The following ATP6V1H variants were observed in gnomAD, a reference collection of about 807,000 sequenced individuals.
ATP6V1H encodes the protein ATPase H+ transporting V1 subunit H, also known as V-type proton ATPase subunit H.
ATP6V1H carries 39 observed loss-of-function variants against 71.7 expected under a neutral mutation model. That is an observed-to-expected ratio of 0.54 (90% CI 0.42 to 0.71). The LOEUF (loss-of-function observed/expected upper bound fraction) is 0.71. Among genes scored for constraint, ATP6V1H ranks in the 30% least tolerant of loss-of-function variants. ATP6V1H has a pLI of 0.00. For synonymous variants in ATP6V1H, 192 were observed against 199.3 expected, an observed-to-expected ratio of 0.96 and a Z score of 0.31; for missense variants, 509 against 594.9, an observed-to-expected ratio of 0.86 and a Z score of 1.50.
chr8:53,763,297 T>C (rs1808342142), intron 11 of ATP6V1H, among the ~76,000 whole-genome samples: 1 of 152,150 alleles, frequency 6.6e-6, no homozygotes, highest in Admixed American at 6.5e-5. Flanking sequence ...TTCTATAAAC[T>C]TGCAATAAAT....
intron 10 of ATP6V1H, among the ~76,000 whole-genome samples, chr8:53,771,670 C>T (rs1012941928): frequency 2.6e-5 from 4 of 152,198 alleles, no homozygotes; most frequent in African/African-American, 7.2e-5. Flanking sequence ...CACTAATTAA[C>T]AAACTACCTT....
chr8:53,739,101 T>C (rs1183972063), intron 13 of ATP6V1H, among the ~76,000 whole-genome samples: 2 of 152,088 alleles, frequency 1.3e-5, no homozygotes, highest in East Asian at 3.8e-4. Context: ...CCTAGAAAAT[T>C]CCAGAGACCC....
chr8:53,776,940 G>A lies in ATP6V1H; in HGVS notation c.871-4773C>T, dbSNP rs141614225. On this transcript the variant is annotated intron_variant, in intron 9 of 13. Transcript: ENST00000359530. Reference sequence around the variant, plus strand: ...TTAAAATTTACAAATGAGCTCAAAAGTGGACTGGAGATGACAAAGGAGTCA... The same window carrying A: ...TTAAAATTTACAAATGAGCTCAAAAATGGACTGGAGATGACAAAGGAGTCA... 2.2e-3 allele frequency among the ~76,000 whole-genome samples: 338 copies of A among 152,258 alleles called. 2 individuals carry two copies. Among genetic ancestry groups the A allele is most frequent in the African/African-American group, 7.9e-3 (327 of 41,548 alleles).
At position 53,776,417 on chromosome 8, in the gene ATP6V1H, A is replaced by C. The variant is rs529948534; in HGVS notation, c.871-4250T>G. Among the ~76,000 whole-genome samples the C allele has an allele frequency of 2.2e-3, 339 of 152,326 alleles. 2 individuals carry two copies. The highest frequency in any genetic ancestry group is 7.9e-3 in the African/African-American group (328 of 41,586). On this transcript the variant is annotated intron_variant, in intron 9 of 13. Transcript: ENST00000359530. ...GGAGCCCAGGCAGAGGAGGCGCTGA[A>C]AGCAAGCGAGGGCTGTGAGGACTGC...
intron 11 of ATP6V1H, among the ~76,000 whole-genome samples, chr8:53,765,376 G>C (rs1162427300): frequency 7.1e-6 from 1 of 141,374 alleles, no homozygotes; most frequent in Non-Finnish European, 1.5e-5. Context: ...CTCCAGCCTG[G>C]ACAACAGAGT....
rs151084821 is a variant in ATP6V1H, at chr8:53,795,573, G to A, written c.870+74C>T. 805 of 1,356,638 alleles carry A rather than the reference G, an allele frequency of 5.9e-4. 6 individuals carry two copies. The African/African-American group carries it at 0.01, about 17-fold the overall frequency. 84.0% of individuals were successfully genotyped at this position (1,356,638 alleles called of 1,614,324 possible). On this transcript the variant is annotated intron_variant, in intron 9 of 13. Transcript: ENST00000359530. ...CAAGAAGAACAAGTAATTTTTTCCC[G>A]CCTGCTAAAAACTCAAATATACTGC...
intron 2 of ATP6V1H, among the ~76,000 whole-genome samples, chr8:53,839,097 C>T (rs1016522826): frequency 2.0e-5 from 3 of 152,064 alleles, no homozygotes; most frequent in African/African-American, 7.2e-5. Flanking sequence ...TATAGGAAAA[C>T]GGGAAAACAC....
At chr8:53,823,379 G>A (rs376159409) in intron 4 of ATP6V1H, among the ~76,000 whole-genome samples, 10 of 152,104 alleles carry the variant, frequency 6.6e-5, no homozygotes, top group Non-Finnish European at 1.0e-4. Flanking sequence ...GAAAGGGAAC[G>A]CAGAAACTGG....
At chr8:53,812,396 A>G (rs1810306053) in intron 6 of ATP6V1H, among the ~76,000 whole-genome samples, 1 of 152,236 alleles carries the variant, frequency 6.6e-6, no homozygotes, top group African/African-American at 2.4e-5. Context: ...TCTAATGAAA[A>G]CTATTCTAGA....
intron 11 of ATP6V1H, among the ~76,000 whole-genome samples, chr8:53,765,451 AACAACACACACACACACACACACAC>A (rs1311162941): frequency 3.2e-5 from 3 of 93,142 alleles, no homozygotes; most frequent in African/African-American, 4.4e-5. Context: ...CAACAACAAC[AACAACACACACACACACACACACAC>A]ACACACACAC....
chr8:53,803,537 T>G (rs1208139324), intron 7 of ATP6V1H, among the ~76,000 whole-genome samples: 1 of 152,126 alleles, frequency 6.6e-6, no homozygotes, highest in African/African-American at 2.4e-5. Flanking sequence ...ACCTAACACT[T>G]CAGAGAAATT....
chr8:53,818,660 G>C (rs928003061), intron 4 of ATP6V1H, among the ~76,000 whole-genome samples: 1 of 152,078 alleles, frequency 6.6e-6, no homozygotes, highest in African/African-American at 2.4e-5. Flanking sequence ...TTTCCGGTCA[G>C]GTACACTTAG....
chr8:53,813,705 C>T (rs2075326829), intron 6 of ATP6V1H, among the ~76,000 whole-genome samples: 1 of 152,172 alleles, frequency 6.6e-6, no homozygotes, highest in African/African-American at 2.4e-5. Context: ...ATCTTTTGCC[C>T]TGTTCTGAGG....
At chr8:53,754,201 G>C (rs78478641) in intron 12 of ATP6V1H, among the ~76,000 whole-genome samples, 1 of 152,188 alleles carries the variant, frequency 6.6e-6, no homozygotes, top group Non-Finnish European at 1.5e-5. Flanking sequence ...AAAGATGAGA[G>C]ATAGGAGTGC....
chr8:53,801,695 G>GA (rs958050552), intron 8 of ATP6V1H, 104 bp downstream of exon 8: 10 of 984,506 alleles, frequency 1.0e-5, no homozygotes, highest in Non-Finnish European at 1.5e-5. Context: ...AAACAGATAT[G>GA]AAAAAAATAA....
intron 11 of ATP6V1H, among the ~76,000 whole-genome samples, chr8:53,767,520 TC>T (rs1318790419): frequency 3.3e-5 from 5 of 152,014 alleles, no homozygotes; most frequent in African/African-American, 1.2e-4. Flanking sequence ...AAAGATACAC[TC>T]TTTTTTTTTA....
At chr8:53,767,072 C>T (rs1216095998) in intron 11 of ATP6V1H, among the ~76,000 whole-genome samples, 1 of 152,104 alleles carries the variant, frequency 6.6e-6, no homozygotes, top group Middle Eastern at 3.2e-3. Context: ...GTGATGTCTT[C>T]CCCGGATGCC....
chr8:53,787,573 T>C (rs1180776666), intron 9 of ATP6V1H, among the ~76,000 whole-genome samples: 1 of 152,226 alleles, frequency 6.6e-6, no homozygotes, highest in African/African-American at 2.4e-5. Flanking sequence ...GAAAAGTATA[T>C]CACTGTAAAA....
At chr8:53,799,763 G>A (rs1410014028) in intron 8 of ATP6V1H, among the ~76,000 whole-genome samples, 1 of 152,148 alleles carries the variant, frequency 6.6e-6, no homozygotes, top group Non-Finnish European at 1.5e-5. Flanking sequence ...ACTCATGAAT[G>A]GGATTAGTAC....
Sources: allele counts gnomAD v4.1 joint callset (sites outside exome capture counted in the v4.1 genomes callset), GRCh38; gene constraint gnomAD v4.1.1; transcripts MANE v1.5; gene names NCBI Gene and HGNC (gene_info 2026-07-23, HGNC 2026-07-21).